The following GPC5 variants were observed in gnomAD, a reference collection of about 807,000 sequenced individuals.
GPC5 encodes glypican 5, also known as glypican-5.
Under a neutral mutation model 53.9 loss-of-function variants are expected in GPC5, and 47 were observed. The ratio of observed to expected loss-of-function variants is 0.87; its 90% confidence interval spans 0.69 to 1.11. The LOEUF (loss-of-function observed/expected upper bound fraction) is 1.11, where lower values mean the gene tolerates loss of function less well. Among genes scored for constraint, GPC5 ranks in the 50% most tolerant of loss-of-function variants. The pLI is 0.00. For synonymous variants in GPC5, 286 were observed against 263.3 expected (o/e 1.09, Z -0.84); for missense variants, 748 against 713.1 (o/e 1.05, Z -0.56).
chr13:91,927,425 AT>A, intron 6 of GPC5, among the ~76,000 whole-genome samples: 1 of 152,240 alleles, frequency 6.6e-6, no homozygotes, highest in South Asian at 2.1e-4. Context: ...ATGCTAGAAA[AT>A]TTAGAATTCT....
intron 2 of GPC5, among the ~76,000 whole-genome samples, chr13:91,617,190 T>C (rs2033719733): frequency 6.6e-6 from 1 of 152,172 alleles, no homozygotes; most frequent in African/African-American, 2.4e-5. Context: ...CACCTTTGTG[T>C]TCAGGAGCAA....
At chr13:91,697,459 G>A (rs2035903473) in intron 3 of GPC5, among the ~76,000 whole-genome samples, 1 of 152,006 alleles carries the variant, frequency 6.6e-6, no homozygotes. Context: ...TGTTTTAAAT[G>A]CTCCCAAAGT....
At chr13:91,825,580 A>G (rs1032573766) in intron 5 of GPC5, among the ~76,000 whole-genome samples, 2 of 152,190 alleles carry the variant, frequency 1.3e-5, no homozygotes, top group African/African-American at 4.8e-5. Context: ...TAGAACAGCT[A>G]TGTGAAATCA....
chr13:91,912,649 G>T (rs904365565), intron 6 of GPC5, among the ~76,000 whole-genome samples: 2 of 152,098 alleles, frequency 1.3e-5, no homozygotes, highest in Admixed American at 6.6e-5. Context: ...CTATCTGGTT[G>T]TTGGTGCTGG....
intron 7 of GPC5, among the ~76,000 whole-genome samples, chr13:92,771,504 G>A (rs1158787274): frequency 2.6e-5 from 4 of 151,790 alleles, no homozygotes; most frequent in South Asian, 2.1e-4. Context: ...CACCATGCCC[G>A]GCTAATTTTT....
intron 7 of GPC5, among the ~76,000 whole-genome samples, chr13:92,535,286 C>G (rs924164784): frequency 6.6e-6 from 1 of 152,058 alleles, no homozygotes; most frequent in Admixed American, 6.6e-5. Context: ...AGTTCATGCA[C>G]ACGCTACCAA....
At chr13:91,752,510 G>A (rs529394075) in intron 4 of GPC5, among the ~76,000 whole-genome samples, 25 of 152,254 alleles carry the variant, frequency 1.6e-4, no homozygotes, top group Non-Finnish European at 1.5e-5. Flanking sequence ...CACATATGAA[G>A]GACACTTTCA....
intron 2 of GPC5, among the ~76,000 whole-genome samples, chr13:91,613,629 A>T (rs991119410): frequency 6.6e-6 from 1 of 152,216 alleles, no homozygotes; most frequent in Non-Finnish European, 1.5e-5. Flanking sequence ...TTTATTACAA[A>T]ATTTCACAGA....
At chr13:92,640,361 G>C (rs770104858) in intron 7 of GPC5, among the ~76,000 whole-genome samples, 3 of 152,056 alleles carry the variant, frequency 2.0e-5, no homozygotes, top group Admixed American at 6.6e-5. Flanking sequence ...CCGGGTTCAC[G>C]CCATTCTCCT....
At chr13:91,456,751 A>T (rs745731704) in intron 2 of GPC5, among the ~76,000 whole-genome samples, 1 of 151,898 alleles carries the variant, frequency 6.6e-6, no homozygotes. Context: ...TAAAACTTGC[A>T]TGCTGTAAAA....
intron 5 of GPC5, among the ~76,000 whole-genome samples, chr13:91,808,567 A>C (rs2038259693): frequency 6.6e-6 from 1 of 152,204 alleles, no homozygotes; most frequent in Non-Finnish European, 1.5e-5. Context: ...GAGAAAGCAC[A>C]GTGAACATTT....
intron 7 of GPC5, among the ~76,000 whole-genome samples, chr13:92,609,168 C>A (rs1379499734): frequency 6.6e-6 from 1 of 152,066 alleles, no homozygotes; most frequent in Non-Finnish European, 1.5e-5. Flanking sequence ...TATCTTCCAG[C>A]AACTTGGGTA....
intron 2 of GPC5, among the ~76,000 whole-genome samples, chr13:91,473,259 G>A (rs548127516): frequency 1.7e-4 from 26 of 152,132 alleles, no homozygotes; most frequent in African/African-American, 5.3e-4. Context: ...AATCCTGTAA[G>A]GATTACAGTT....
chr13:92,224,823 A>C (rs1478974230), intron 7 of GPC5, among the ~76,000 whole-genome samples: 1 of 152,192 alleles, frequency 6.6e-6, no homozygotes, highest in Non-Finnish European at 1.5e-5. Flanking sequence ...GACTCTTAGA[A>C]GCTTGTGCCT....
Position 91,631,528 on chromosome 13 carries a change from T to C in GPC5, c.326-61659T>C, listed in dbSNP as rs571469202. ...GTGTTTTAGACCTCAAAACAAATAG[T>C]GCTTTGGTTAAAAAATATCTCAAGG... is the stretch of plus-strand genomic sequence containing the variant. On this transcript the variant is annotated intron_variant, in intron 2 of 7. Coordinates refer to ENST00000377067, the MANE Select transcript of GPC5 (RefSeq NM_004466.6). Among the ~76,000 whole-genome samples, 111 of 152,122 alleles carry C rather than the reference T, an allele frequency of 7.3e-4. 1 individual carries two copies. The highest frequency in any genetic ancestry group is 2.5e-3 in the African/African-American group (105 of 41,518).
chr13:92,516,894 G>T (rs377457758), intron 7 of GPC5, among the ~76,000 whole-genome samples: 1 of 152,158 alleles, frequency 6.6e-6, no homozygotes, highest in African/African-American at 2.4e-5. Flanking sequence ...ACTTCACCTG[G>T]GAAGCACAAG....
intron 7 of GPC5, among the ~76,000 whole-genome samples, chr13:92,302,295 A>C (rs566414944): frequency 6.6e-6 from 1 of 152,190 alleles, no homozygotes; most frequent in African/African-American, 2.4e-5. Flanking sequence ...AGAATAAAGG[A>C]CCCTGATTGT....
intron 7 of GPC5, among the ~76,000 whole-genome samples, chr13:92,415,816 A>G (rs1876263250): frequency 6.6e-6 from 1 of 152,204 alleles, no homozygotes; most frequent in Admixed American, 6.5e-5. Flanking sequence ...AGATGAACCA[A>G]TTTTGAATGC....
chr13:92,864,372 T>C (rs951658532), intron 7 of GPC5, among the ~76,000 whole-genome samples: 2 of 152,166 alleles, frequency 1.3e-5, no homozygotes, highest in African/African-American at 4.8e-5. Flanking sequence ...TTAACATCTT[T>C]CTACTTACAT....
Sources: allele counts gnomAD v4.1 joint callset (sites outside exome capture counted in the v4.1 genomes callset), GRCh38; gene constraint gnomAD v4.1.1; transcripts MANE v1.5; gene names NCBI Gene and HGNC (gene_info 2026-07-23, HGNC 2026-07-21).